Variants in CFAP144 observed in about 807,000 individuals in gnomAD.
The protein encoded by CFAP144 is cilia and flagella associated protein 144, also known as cilia- and flagella-associated protein 144.
the CFAP144 span, among the ~76,000 whole-genome samples, chr1:43,152,408 C>G: frequency 6.6e-6 from 1 of 152,180 alleles, no homozygotes; most frequent in African/African-American, 2.4e-5. Flanking sequence ...TGCTTGGCAA[C>G]CAGAGAGGCC....
the CFAP144 span, among the ~76,000 whole-genome samples, chr1:43,144,281 G>T: frequency 2.0e-5 from 3 of 152,120 alleles, no homozygotes; most frequent in Non-Finnish European, 4.4e-5. Context: ...CCATTTCCCT[G>T]ATTGGTGGGA....
chr1:43,151,939 G>A, the CFAP144 span, among the ~76,000 whole-genome samples: 2 of 152,312 alleles, frequency 1.3e-5, no homozygotes, highest in East Asian at 1.9e-4. Context: ...AACAGGAAAT[G>A]AGGGTCCTGA....
chr1:43,155,875 A>G, the CFAP144 span, among the ~76,000 whole-genome samples: 1 of 152,232 alleles, frequency 6.6e-6, no homozygotes, highest in Admixed American at 6.5e-5. Context: ...CAGAGTGCCG[A>G]CTTTTACTTA....
chr1:43,156,088 G>T, the CFAP144 span: 116,985 of 793,548 alleles, frequency 0.15, 11,593 homozygotes, highest in African/African-American at 0.35. Flanking sequence ...TCTCCATTCC[G>T]CAATGCAGCC....
At chr1:43,144,632 C>T in the CFAP144 span, among the ~76,000 whole-genome samples, 11 of 152,080 alleles carry the variant, frequency 7.2e-5, no homozygotes, top group Non-Finnish European at 1.5e-4. Context: ...CTATCTGTTA[C>T]CCCTCTCCGA....
chr1:43,156,027 C>T, the CFAP144 span, among the ~76,000 whole-genome samples: 64 of 152,260 alleles, frequency 4.2e-4, no homozygotes, highest in African/African-American at 1.5e-3. Flanking sequence ...CACGACTGTG[C>T]GTAGGTTATT....
At chr1:43,147,961 C>T in the CFAP144 span, 1 of 1,613,958 alleles carries the variant, frequency 6.2e-7, no homozygotes, top group Non-Finnish European at 8.5e-7. Context: ...CATGGCGGGA[C>T]ACCCAAAAGA....
the CFAP144 span, among the ~76,000 whole-genome samples, chr1:43,154,267 A>G: frequency 2.8e-5 from 4 of 145,394 alleles, no homozygotes; most frequent in Non-Finnish European, 4.5e-5. Flanking sequence ...AAAATTTTAT[A>G]TAAAATTATA....
the CFAP144 span, among the ~76,000 whole-genome samples, chr1:43,144,217 C>G: frequency 2.6e-5 from 4 of 152,160 alleles, no homozygotes; most frequent in African/African-American, 9.7e-5. Flanking sequence ...TACTACAGCC[C>G]CATTTCTTCT....
At chr1:43,143,665 G>C in the CFAP144 span, among the ~76,000 whole-genome samples, 10 of 152,162 alleles carry the variant, frequency 6.6e-5, no homozygotes, top group South Asian at 4.1e-4. Context: ...AGGCACCCAG[G>C]AGTGGGCAGT....
chr1:43,152,720 G>A, the CFAP144 span: 4 of 1,251,322 alleles, frequency 3.2e-6, no homozygotes, highest in Non-Finnish European at 3.2e-6. Context: ...AAACCTCCAA[G>A]GCACAGATGC....
the CFAP144 span, chr1:43,147,711 G>T: frequency 2.1e-6 from 2 of 934,460 alleles, no homozygotes; most frequent in African/African-American, 3.6e-5. Context: ...AGGAGCTGGG[G>T]CAAGTGAGTA....
the CFAP144 span, among the ~76,000 whole-genome samples, chr1:43,155,733 A>G: frequency 2.6e-5 from 4 of 152,254 alleles, no homozygotes; most frequent in Non-Finnish European, 5.9e-5. Context: ...AGATACCTCC[A>G]GTCTCAGTAC....
At chr1:43,148,827 C>T in the CFAP144 span, among the ~76,000 whole-genome samples, 1 of 152,142 alleles carries the variant, frequency 6.6e-6, no homozygotes, top group African/African-American at 2.4e-5. Context: ...AGGTCTCTCT[C>T]CCTCCACACA....
chr1:43,150,645 C>T, the CFAP144 span: 1 of 830,070 alleles, frequency 1.2e-6, no homozygotes, highest in Non-Finnish European at 2.0e-6. Flanking sequence ...TAATACCTGG[C>T]ATGTACCAGA....
At chr1:43,146,055 T>C in the CFAP144 span, among the ~76,000 whole-genome samples, 53 of 152,212 alleles carry the variant, frequency 3.5e-4, no homozygotes, top group Non-Finnish European at 8.8e-5. Flanking sequence ...GCTGGATTCC[T>C]ACCTCACACT....
chr1:43,146,693 A>G, the CFAP144 span, among the ~76,000 whole-genome samples: 1 of 152,232 alleles, frequency 6.6e-6, no homozygotes, highest in Admixed American at 6.5e-5. Context: ...GTCCCAGACT[A>G]AACCCATTCT....
At chr1:43,155,923 G>A in the CFAP144 span, among the ~76,000 whole-genome samples, 21 of 152,216 alleles carry the variant, frequency 1.4e-4, no homozygotes, top group African/African-American at 4.8e-4. Flanking sequence ...CATTCTTTCA[G>A]CAAATATGCA....
At chr1:43,147,711 GC>G in the CFAP144 span, 3 of 934,460 alleles carry the variant, frequency 3.2e-6, no homozygotes, top group Non-Finnish European at 3.8e-6. Context: ...AGGAGCTGGG[GC>G]AAGTGAGTAC....
Sources: gnomAD v4.1 joint callset for allele counts (sites outside exome capture counted in the v4.1 genomes callset) on GRCh38, gnomAD v4.1.1 for gene constraint, MANE v1.5 for transcripts, NCBI Gene and HGNC (gene_info 2026-07-23, HGNC 2026-07-21) for gene names.